The following TMCC1 variants were observed in gnomAD, a reference collection of about 807,000 sequenced individuals.
TMCC1 encodes the protein transmembrane and coiled-coil domain family 1.
Under a neutral mutation model 52.4 loss-of-function variants are expected in TMCC1, and 15 were observed. That is an observed-to-expected ratio of 0.29 (90% CI 0.19 to 0.44). The LOEUF is 0.44. Ranked by LOEUF, TMCC1 falls within the 20% of genes least tolerant of loss-of-function variation. The probability of loss-of-function intolerance (pLI) is 1.00; values close to 1 mark genes in which losing one functional copy is unlikely to be tolerated. For missense variants in TMCC1, 503 were observed against 806.0 expected (o/e 0.62, Z 4.55); for synonymous variants, 279 against 301.9 (o/e 0.92, Z 0.79).
intron 2 of TMCC1, among the ~76,000 whole-genome samples, chr3:129,833,721 C>A (rs1406166498): frequency 6.6e-6 from 1 of 152,062 alleles, no homozygotes; most frequent in African/African-American, 2.4e-5. Context: ...ACAGCAAGAC[C>A]CCATGTCTCT....
chr3:129,777,701 T>C (rs1488277326), intron 4 of TMCC1, among the ~76,000 whole-genome samples: 2 of 152,240 alleles, frequency 1.3e-5, no homozygotes, highest in Non-Finnish European at 2.9e-5. Flanking sequence ...TTCTCTTTTG[T>C]GTGCTTTTAT....
chr3:129,665,250 T>C (rs997044145), intron 5 of TMCC1, among the ~76,000 whole-genome samples: 1 of 152,160 alleles, frequency 6.6e-6, no homozygotes, highest in African/African-American at 2.4e-5. Flanking sequence ...GAAAAAATAA[T>C]GTGTCAGTCA....
intron 5 of TMCC1, among the ~76,000 whole-genome samples, chr3:129,669,327 T>C (rs930812384): frequency 3.3e-5 from 5 of 152,196 alleles, no homozygotes; most frequent in Non-Finnish European, 7.4e-5. Context: ...AGAACCCAGG[T>C]CCTTCAAGGC....
intron 2 of TMCC1, among the ~76,000 whole-genome samples, chr3:129,835,019 A>C (rs796893097): frequency 1.3e-5 from 2 of 152,248 alleles, no homozygotes; most frequent in African/African-American, 4.8e-5. Context: ...GATGTCTCTT[A>C]TTCCTTTAGA....
chr3:129,873,249 T>C (rs1017078066), intron 2 of TMCC1, among the ~76,000 whole-genome samples: 2 of 151,894 alleles, frequency 1.3e-5, no homozygotes, highest in Non-Finnish European at 2.9e-5. Context: ...ATGACACAGA[T>C]TGGGGATAAG....
At chr3:129,836,922 A>T (rs887232445) in intron 2 of TMCC1, among the ~76,000 whole-genome samples, 3 of 152,218 alleles carry the variant, frequency 2.0e-5, no homozygotes, top group Admixed American at 6.5e-5. Flanking sequence ...ATGAGGGAAG[A>T]GCAAGCAACA....
At chr3:129,888,878 T>C (rs747196939) in intron 1 of TMCC1, among the ~76,000 whole-genome samples, 2 of 152,172 alleles carry the variant, frequency 1.3e-5, no homozygotes, top group Non-Finnish European at 2.9e-5. Flanking sequence ...GTGATGAGAA[T>C]GACACTTTAG....
At chr3:129,882,045 G>T (rs2061484758) in intron 1 of TMCC1, among the ~76,000 whole-genome samples, 1 of 151,996 alleles carries the variant, frequency 6.6e-6, no homozygotes, top group African/African-American at 2.4e-5. Context: ...CTCCACCAGG[G>T]CACAACAAAA....
intron 1 of TMCC1, among the ~76,000 whole-genome samples, chr3:129,887,315 G>A (rs1577232709): frequency 6.6e-6 from 1 of 151,986 alleles, no homozygotes; most frequent in Non-Finnish European, 1.5e-5. Flanking sequence ...AGGCCAAGGA[G>A]GGCGGATCAT....
intron 4 of TMCC1, among the ~76,000 whole-genome samples, chr3:129,696,439 A>G (rs1312926071): frequency 1.3e-5 from 2 of 152,234 alleles, no homozygotes; most frequent in African/African-American, 4.8e-5. Flanking sequence ...AAACCAAGCT[A>G]CAACCCAACT....
chr3:129,651,696 G>C lies in TMCC1; in HGVS notation c.1747C>G (p.Arg583Gly). ...QLEGLENATA[R>G]NLLGKLINIL... ...TTGATGAGTTTGCCCAGAAGGTTCC[G>C]GGCAGTGGCATTCTCCAGCCCTTCT... The change falls in exon 7 of 7, where the codon CGG becomes GGG. Residue 583 changes from arginine (R) to glycine (G), a missense_variant. Arg to Gly is a moderately radical substitution (Grantham distance 125). Transcript: ENST00000393238. This position sits in a 1 kb window ranked among gnomAD's most constrained non-coding sequence, Gnocchi z 5.1. 1 of 1,614,198 alleles carries C rather than the reference G, an allele frequency of 6.2e-7. No homozygotes were observed. Among genetic ancestry groups the C allele is most frequent in the Non-Finnish European group, 8.5e-7 (1 of 1,180,028 alleles).
At chr3:129,786,656 C>T (rs1193017170) in intron 4 of TMCC1, among the ~76,000 whole-genome samples, 6 of 152,156 alleles carry the variant, frequency 3.9e-5, no homozygotes, top group East Asian at 1.9e-4. Flanking sequence ...TAAAAGCTCA[C>T]GTTAGCATTT....
At position 129,664,166 on chromosome 3, in the gene TMCC1, A is replaced by T. The variant is rs75605234; in HGVS notation, c.1511+6164T>A. On this transcript the variant is annotated intron_variant, in intron 5 of 6. Transcript: ENST00000393238. ...CTCTCATAAATGAAGGGCTAATTTG[A>T]TTCAGTACCCTCAGTTTCTATTTCA... Among the ~76,000 whole-genome samples the T allele has an allele frequency of 2.7e-3, 410 of 152,250 alleles. 7 individuals are homozygous for T. The highest frequency in any genetic ancestry group is 8.7e-3 in the East Asian group (45 of 5,188).
At chr3:129,761,643 T>G (rs1178652331) in intron 4 of TMCC1, among the ~76,000 whole-genome samples, 1 of 152,148 alleles carries the variant, frequency 6.6e-6, no homozygotes, top group East Asian at 1.9e-4. Context: ...CCCACTGAAT[T>G]TCATTACTTT....
intron 2 of TMCC1, among the ~76,000 whole-genome samples, chr3:129,839,467 G>A (rs1289669870): frequency 2.0e-5 from 3 of 152,098 alleles, no homozygotes; most frequent in African/African-American, 7.2e-5. Flanking sequence ...AAAGAAGGCA[G>A]TAGGAAAAAA....
chr3:129,682,721 A>G (rs1159119642), intron 4 of TMCC1, among the ~76,000 whole-genome samples: 1 of 152,192 alleles, frequency 6.6e-6, no homozygotes, highest in Non-Finnish European at 1.5e-5. Context: ...TAAGCATTCA[A>G]TGTCCTCGCC....
intron 2 of TMCC1, among the ~76,000 whole-genome samples, chr3:129,862,782 C>T (rs148250201): frequency 6.6e-6 from 1 of 152,286 alleles, no homozygotes; most frequent in East Asian, 1.9e-4. Context: ...TTTACTTTCT[C>T]ACAACCCAAA....
At chr3:129,734,636 T>C (rs1576624095) in intron 4 of TMCC1, among the ~76,000 whole-genome samples, 1 of 151,924 alleles carries the variant, frequency 6.6e-6, no homozygotes, top group East Asian at 1.9e-4. Context: ...TGAGCTGTGA[T>C]TGCATCACTG....
chr3:129,848,240 G>A (rs890485044), intron 2 of TMCC1: 2 of 152,054 alleles, frequency 1.3e-5, no homozygotes, highest in Non-Finnish European at 2.9e-5. Flanking sequence ...CTACCCCAAG[G>A]TCACTAAGAT....
Sources: allele counts gnomAD v4.1 joint callset (sites outside exome capture counted in the v4.1 genomes callset), GRCh38; gene constraint gnomAD v4.1.1; non-coding constraint Gnocchi (gnomAD v3.1); transcripts MANE v1.5; gene names NCBI Gene and HGNC (gene_info 2026-07-23, HGNC 2026-07-21).